The following SLC35F3 variants were observed in gnomAD, a reference collection of about 807,000 sequenced individuals.
The protein encoded by SLC35F3 is putative thiamine transporter SLC35F3.
In SLC35F3, 25 loss-of-function variants were observed where a neutral mutation model predicts 49.9. The ratio of observed to expected loss-of-function variants is 0.50; its 90% confidence interval spans 0.37 to 0.70. The LOEUF (loss-of-function observed/expected upper bound fraction) is 0.70. Ranked by LOEUF, SLC35F3 falls within the 30% of genes least tolerant of loss-of-function variation. The pLI, the probability that SLC35F3 is intolerant of heterozygous loss-of-function variation, is 0.00. For synonymous variants in SLC35F3, 275 were observed against 265.4 expected, an observed-to-expected ratio of 1.04 and a Z score of -0.35; for missense variants, 525 against 639.8, an observed-to-expected ratio of 0.82 and a Z score of 1.94.
intron 2 of SLC35F3, among the ~76,000 whole-genome samples, chr1:234,106,998 T>C (rs1191102561): frequency 1.3e-5 from 2 of 152,234 alleles, no homozygotes; most frequent in Non-Finnish European, 2.9e-5. Flanking sequence ...ATTAACACAA[T>C]AATGTTATGT....
intron 2 of SLC35F3, among the ~76,000 whole-genome samples, chr1:234,050,741 G>C (rs1664364657): frequency 6.6e-6 from 1 of 152,094 alleles, no homozygotes; most frequent in African/African-American, 2.4e-5. Flanking sequence ...ATATTGCCTA[G>C]GTTTTCTTAT....
chr1:234,002,590 C>T (rs116366524), intron 2 of SLC35F3, among the ~76,000 whole-genome samples: 2,071 of 152,198 alleles, frequency 0.014, 40 homozygotes, highest in African/African-American at 0.047. Context: ...ACATGCTACC[C>T]ACTTGACTTA....
chr1:234,148,852 GA>G (rs1258264174), intron 2 of SLC35F3, among the ~76,000 whole-genome samples: 2 of 151,790 alleles, frequency 1.3e-5, no homozygotes, highest in Non-Finnish European at 2.9e-5. Context: ...GAGGGAAGAG[GA>G]AAAAAAAGAA....
At chr1:233,941,104 C>T (rs1662412986) in intron 2 of SLC35F3, among the ~76,000 whole-genome samples, 1 of 152,184 alleles carries the variant, frequency 6.6e-6, no homozygotes. Flanking sequence ...AAATGAACTG[C>T]TGTCTTTCCA....
intron 2 of SLC35F3, among the ~76,000 whole-genome samples, chr1:234,180,593 G>A (rs962429197): frequency 5.3e-5 from 8 of 152,118 alleles, no homozygotes; most frequent in African/African-American, 1.9e-4. Flanking sequence ...AGAATTGTCA[G>A]GTCACTCTCT....
chr1:234,099,534 C>G (rs1388845873), intron 2 of SLC35F3, among the ~76,000 whole-genome samples: 1 of 149,314 alleles, frequency 6.7e-6, no homozygotes, highest in Admixed American at 6.8e-5. Context: ...CGCTTGAACC[C>G]TGGAGGTGGA....
intron 2 of SLC35F3, among the ~76,000 whole-genome samples, chr1:234,100,298 C>T (rs578088263): frequency 2.6e-5 from 4 of 152,316 alleles, no homozygotes; most frequent in South Asian, 2.1e-4. Context: ...ATTTCTCCAA[C>T]GTCTGCCGAG....
chr1:234,216,110 T>G (rs1247476258), intron 2 of SLC35F3, among the ~76,000 whole-genome samples: 1 of 152,178 alleles, frequency 6.6e-6, no homozygotes, highest in Non-Finnish European at 1.5e-5. Context: ...TCCAGGGGTG[T>G]TTGTATTTCT....
intron 2 of SLC35F3, among the ~76,000 whole-genome samples, chr1:234,015,947 C>G (rs1663796848): frequency 6.6e-6 from 1 of 152,084 alleles, no homozygotes; most frequent in African/African-American, 2.4e-5. Flanking sequence ...CCCAAAAGAA[C>G]TCAATAGCAA....
At chr1:234,276,027 C>G (rs1055183974) in intron 3 of SLC35F3, among the ~76,000 whole-genome samples, 13 of 152,022 alleles carry the variant, frequency 8.6e-5, no homozygotes, top group Non-Finnish European at 1.6e-4. Context: ...TGGTCCAAGC[C>G]CAGAGCCCAC....
chr1:233,941,719 CA>C (rs143912246), intron 2 of SLC35F3, among the ~76,000 whole-genome samples: 1 of 151,820 alleles, frequency 6.6e-6, no homozygotes, highest in Non-Finnish European at 1.5e-5. Context: ...TATATTGCAC[CA>C]AAAAAATAGT....
intron 2 of SLC35F3, among the ~76,000 whole-genome samples, chr1:234,088,208 G>A (rs920372331): frequency 6.6e-6 from 1 of 152,082 alleles, no homozygotes; most frequent in Non-Finnish European, 1.5e-5. Context: ...GTTTTGTTTT[G>A]ATACAGAGTC....
At chr1:234,004,496 A>G (rs1663600434) in intron 2 of SLC35F3, among the ~76,000 whole-genome samples, 1 of 152,152 alleles carries the variant, frequency 6.6e-6, no homozygotes, top group Non-Finnish European at 1.5e-5. Flanking sequence ...TTTTGGTTAT[A>G]ATTGGGGGTG....
At chr1:234,125,278 C>T (rs959925126) in intron 2 of SLC35F3, among the ~76,000 whole-genome samples, 20 of 152,064 alleles carry the variant, frequency 1.3e-4, no homozygotes, top group Non-Finnish European at 8.8e-5. Context: ...ATATAACAAA[C>T]GACCCCCGAA....
chr1:234,322,125 T>A (rs1355475621), intron 7 of SLC35F3, among the ~76,000 whole-genome samples: 5 of 147,832 alleles, frequency 3.4e-5, no homozygotes, highest in African/African-American at 1.3e-4. Flanking sequence ...GCCCGGGAGG[T>A]GGAGGTTGCA....
At position 234,284,866 on chromosome 1, in the gene SLC35F3, G is replaced by A. The variant is rs150946316; in HGVS notation, c.609-24235G>A. The A allele has an allele frequency of 3.2e-3, 491 of 155,430 alleles. 4 individuals carry two copies. Among genetic ancestry groups the A allele is most frequent in the Middle Eastern group, 6.7e-3 (2 of 300 alleles). 9.6% of individuals were successfully genotyped at this position (155,430 alleles called of 1,614,324 possible). ...GGCAAGGGAAGAGGAATTCACACTT[G>A]TATGCATGATTTTGATCCCAGGTCA... is the stretch of plus-strand genomic sequence containing the variant. On this transcript the variant is annotated intron_variant, in intron 3 of 7. Transcript: ENST00000366618.
At chr1:233,940,894 T>C (rs1253476290) in intron 2 of SLC35F3, among the ~76,000 whole-genome samples, 1 of 152,214 alleles carries the variant, frequency 6.6e-6, no homozygotes, top group Non-Finnish European at 1.5e-5. Context: ...ATACTATTAC[T>C]ACAAAATGTC....
intron 2 of SLC35F3, among the ~76,000 whole-genome samples, chr1:233,970,725 T>C (rs1381257351): frequency 1.3e-5 from 2 of 152,116 alleles, no homozygotes; most frequent in African/African-American, 2.4e-5. Flanking sequence ...GGGAAGACTA[T>C]ATGAAGAGAC....
Position 233,904,841 on chromosome 1 carries a change from G to A in SLC35F3, c.-237G>A. Reference sequence around the variant, plus strand: ...TGCCGGGTCGTTGCGGCGAGCGCGCGGGCCGGCCTGGAGTCACCGGGCTGA... The same window carrying A: ...TGCCGGGTCGTTGCGGCGAGCGCGCAGGCCGGCCTGGAGTCACCGGGCTGA... On this transcript the variant is annotated 5_prime_UTR_variant, in exon 1 of 8. Coordinates refer to ENST00000366618, the MANE Select transcript of SLC35F3 (RefSeq NM_173508.4). 1 of 209,498 alleles carries A rather than the reference G, an allele frequency of 4.8e-6. No individual in the cohort carries two copies. Among genetic ancestry groups the A allele is most frequent in the Admixed American group, 5.9e-5 (1 of 16,830 alleles). 13.0% of individuals were successfully genotyped at this position (209,498 alleles called of 1,614,324 possible).
Sources: allele counts gnomAD v4.1 joint callset (sites outside exome capture counted in the v4.1 genomes callset), GRCh38; gene constraint gnomAD v4.1.1; transcripts MANE v1.5; gene names NCBI Gene and HGNC (gene_info 2026-07-23, HGNC 2026-07-21).